DEPDC7: variants seen among roughly 807,000 people sequenced by gnomAD.
DEPDC7 encodes DEP domain containing 7, also known as DEP domain-containing protein 7.
In DEPDC7, 41 loss-of-function variants were observed where a neutral mutation model predicts 56.6. That is an observed-to-expected ratio of 0.72 (90% confidence interval 0.56 to 0.94). DEPDC7 has a LOEUF of 0.94. Ranked by LOEUF, DEPDC7 falls within the 40% of genes least tolerant of loss-of-function variation. The pLI is 0.00. For missense variants in DEPDC7, 522 were observed against 596.3 expected (o/e 0.88, Z 1.30); for synonymous variants, 185 against 208.8 (o/e 0.89, Z 0.98).
At position 33,019,047 on chromosome 11, in the gene DEPDC7, C is replaced by T. The variant is rs139971208; in HGVS notation, c.73+3019C>T. Among the ~76,000 whole-genome samples the T allele has an allele frequency of 8.4e-3, 1,280 of 152,294 alleles. 43 individuals carry two copies. The highest frequency in any genetic ancestry group is 0.065 in the Admixed American group (987 of 15,300). ...TATTAGTAAATGATGGACCCAACAACGGAACTCAGGTCCCTGGGACTGCAG... is the reference window on the plus strand; with the variant it reads ...TATTAGTAAATGATGGACCCAACAATGGAACTCAGGTCCCTGGGACTGCAG... On this transcript the variant is annotated intron_variant, in intron 1 of 8. Coordinates refer to ENST00000241051, the MANE Select transcript of DEPDC7 (RefSeq NM_001077242.2).
At chr11:33,026,102 CT>C in intron 2 of DEPDC7, 53 bp downstream of exon 2, 1 of 1,592,926 alleles carries the variant, frequency 6.3e-7, no homozygotes, top group Non-Finnish European at 8.6e-7. Context: ...TTTTGTCTAC[CT>C]TTTTATGAGA....
At chr11:33,018,354 C>G (rs997889258) in intron 1 of DEPDC7, among the ~76,000 whole-genome samples, 2 of 152,078 alleles carry the variant, frequency 1.3e-5, no homozygotes, top group Non-Finnish European at 2.9e-5. Context: ...GTTGTCTTGA[C>G]AATTCTTTGT....
At position 33,016,626 on chromosome 11, in the gene DEPDC7, A is replaced by G. The variant is rs1248705659; in HGVS notation, c.73+598A>G. 2.5e-6 allele frequency: 4 copies of G among 1,602,954 alleles called. No homozygotes were observed. In the Admixed American group the frequency reaches 5.1e-5, roughly 20 times the overall value. ...TTATGTATAAGCAGTATTTTAGTGAATAGAAGTTTTTGGCTAAAAAAACAG... is the reference window on the plus strand; with the variant it reads ...TTATGTATAAGCAGTATTTTAGTGAGTAGAAGTTTTTGGCTAAAAAAACAG... On this transcript the variant is annotated intron_variant, in intron 1 of 8. Coordinates refer to ENST00000241051, the MANE Select transcript of DEPDC7 (RefSeq NM_001077242.2).
intron 8 of DEPDC7, 96 bp downstream of exon 8, chr11:33,033,063 A>C: frequency 1.8e-6 from 2 of 1,089,364 alleles, no homozygotes; most frequent in Middle Eastern, 5.9e-4. Flanking sequence ...TTTAATTTCA[A>C]CCAAATTTAA....
At chr11:33,031,343 T>TTGCTTTTAAATAATCTTCCCC in intron 4 of DEPDC7, 35 bp from the exon 5 acceptor site, 1 of 1,517,154 alleles carries the variant, frequency 6.6e-7, no homozygotes, top group East Asian at 2.3e-5. Flanking sequence ...TAATCTTCCC[T>TTGCTTTTAAATAATCTTCCCC]TGCCTTTTAA....
rs1219228822 is a variant in DEPDC7 at position 33,016,143 on chromosome 11, C to T, written c.73+115C>T. On this transcript the variant is annotated intron_variant, in intron 1 of 8. Coordinates refer to ENST00000241051, the MANE Select transcript of DEPDC7 (RefSeq NM_001077242.2). ...TTCGGCCGCCTGCGCCTGTCAACGG[C>T]CGGCTGGGCGAGCACAGCACAGCTG... is the stretch of plus-strand genomic sequence containing the variant. 7.3e-6 allele frequency: 9 copies of T among 1,235,024 alleles called. No homozygotes were observed. In the Admixed American group the frequency reaches 1.8e-4, roughly 24 times the overall value. 76.5% of individuals were successfully genotyped at this position (1,235,024 alleles called of 1,614,324 possible). A position where few individuals can be genotyped will look rare whatever the true frequency, so the allele number is the denominator to read the frequency against.
chr11:33,031,489 G>A lies in DEPDC7; in HGVS notation c.894G>A (p.Val298=), dbSNP rs755251840. 5 of 1,614,032 alleles carry A rather than the reference G, an allele frequency of 3.1e-6. No individual in the cohort carries two copies. The Admixed American group carries it at 5.0e-5, about 16-fold the overall frequency. The part of the protein sequence containing the change: ...FPEQPDRTDL[V]KELLFDAIGR... The stretch of plus-strand genomic sequence containing the variant: ...AGCAACCAGACCGAACAGACTTAGT[G>A]AAAGAACTTCTGTTTGATGCCATTG... Residue 298 remains valine, a synonymous_variant, in exon 5 of 9, where the codon GTG becomes GTA. Transcript: ENST00000241051.
At chr11:33,021,291 T>A (rs1853522225) in intron 1 of DEPDC7, among the ~76,000 whole-genome samples, 1 of 151,450 alleles carries the variant, frequency 6.6e-6, no homozygotes, top group South Asian at 2.1e-4. Flanking sequence ...TGACCAAATG[T>A]AAGGAAGCAT....
chr11:33,031,340 C>T (rs553969550), intron 4 of DEPDC7, 38 bp from the exon 5 acceptor site: 1 of 1,488,838 alleles, frequency 6.7e-7, no homozygotes, highest in Non-Finnish European at 9.4e-7. Flanking sequence ...AAATAATCTT[C>T]CCTTGCCTTT....
chr11:33,031,295 G>T (rs894985742), intron 4 of DEPDC7, 83 bp from the exon 5 acceptor site: 3 of 983,674 alleles, frequency 3.0e-6, no homozygotes. Context: ...TACTGAATTA[G>T]GTACCATGTG....
At chr11:33,032,244 C>T in intron 5 of DEPDC7, 92 bp from the exon 6 acceptor site, 2 of 1,144,688 alleles carry the variant, frequency 1.7e-6, no homozygotes, top group Non-Finnish European at 2.5e-6. Flanking sequence ...TGAATAAGTG[C>T]ACTTTTTAAC....
intron 1 of DEPDC7, chr11:33,016,690 C>A: frequency 2.8e-6 from 3 of 1,085,552 alleles, no homozygotes; most frequent in Non-Finnish European, 4.2e-6. Context: ...AATTCTGCCA[C>A]GGGCCTAATC....
At chr11:33,033,160 A>C in intron 8 of DEPDC7, 102 bp from the exon 9 acceptor site, 1 of 1,036,946 alleles carries the variant, frequency 9.6e-7, no homozygotes, top group Non-Finnish European at 1.4e-6. Flanking sequence ...GCATATTACA[A>C]AATGGGGAAG....
chr11:33,016,356 C>T, intron 1 of DEPDC7: 1 of 1,422,090 alleles, frequency 7.0e-7, no homozygotes, highest in Non-Finnish European at 9.1e-7. Flanking sequence ...CCGGGATATG[C>T]TCCGCGGTGC....
intron 2 of DEPDC7, among the ~76,000 whole-genome samples, 153 bp from the exon 3 acceptor site, chr11:33,027,533 G>T (rs1182650407): frequency 1.3e-5 from 2 of 152,154 alleles, no homozygotes; most frequent in Non-Finnish European, 2.9e-5. Flanking sequence ...GAAAGAAGGT[G>T]GGTGTTTTTA....
At chr11:33,029,410 T>G (rs555806363) in intron 4 of DEPDC7, among the ~76,000 whole-genome samples, 1 of 148,986 alleles carries the variant, frequency 6.7e-6, no homozygotes, top group East Asian at 2.0e-4. Context: ...GAAAATCACT[T>G]GAACTTGGGA....
intron 1 of DEPDC7, among the ~76,000 whole-genome samples, chr11:33,019,351 T>C (rs1311998531): frequency 6.6e-6 from 1 of 152,154 alleles, no homozygotes; most frequent in Non-Finnish European, 1.5e-5. Context: ...TGAGAACCAC[T>C]GGGTTAACCT....
At chr11:33,030,809 G>C (rs6484619) in intron 4 of DEPDC7, among the ~76,000 whole-genome samples, 61,115 of 151,872 alleles carry the variant, frequency 0.4, 12,457 homozygotes, top group East Asian at 0.46. Context: ...GTCTCGAACT[G>C]CTGACCTCAT....
intron 2 of DEPDC7, among the ~76,000 whole-genome samples, chr11:33,027,009 G>C (rs10836003): frequency 0.4 from 60,964 of 151,920 alleles, 12,408 homozygotes; most frequent in East Asian, 0.46. Flanking sequence ...GATAAAGTAA[G>C]GCACAGTCAA....
Sources: allele counts gnomAD v4.1 joint callset (sites outside exome capture counted in the v4.1 genomes callset), GRCh38; gene constraint gnomAD v4.1.1; transcripts MANE v1.5; gene names NCBI Gene and HGNC (gene_info 2026-07-23, HGNC 2026-07-21).